KIR3DL3: variants seen among roughly 807,000 people sequenced by gnomAD.
The protein encoded by KIR3DL3 is killer cell immunoglobulin-like receptor 3DL3.
In KIR3DL3, 27 loss-of-function variants were observed where a neutral mutation model predicts 34.9. The observed-to-expected ratio is 0.77, with a 90% CI of 0.57 to 1.07. The LOEUF is 1.07. Among genes scored for constraint, KIR3DL3 ranks in the 50% least tolerant of loss-of-function variants. The probability of loss-of-function intolerance (pLI) is 0.00; values close to 1 mark genes in which losing one functional copy is unlikely to be tolerated. For missense variants in KIR3DL3, 681 were observed against 528.5 expected (o/e 1.29, Z -2.83); for synonymous variants, 217 against 200.2 (o/e 1.08, Z -0.71).
At chr19:54,729,128 T>C (rs1600187520) in intron 4 of KIR3DL3, among the ~76,000 whole-genome samples, 1 of 148,350 alleles carries the variant, frequency 6.7e-6, no homozygotes, top group Non-Finnish European at 1.5e-5. Flanking sequence ...CATACATAGA[T>C]AAATGATAGA....
rs771765510 is a variant in KIR3DL3, at chr19:54,735,364, C to T, written c.1054+7C>T. ...TGGTGTGCCAACAAAAAGAGTAAGT[C>T]TCACGAAGCAGAAGCCAGAGAGCTC... On this transcript the variant is annotated splice_region_variant and intron_variant, in intron 6 of 7. Coordinates refer to ENST00000291860, the MANE Select transcript of KIR3DL3 (RefSeq NM_153443.5). 2.3e-6 allele frequency: 3 copies of T among 1,291,268 alleles called. No homozygotes were observed. Among genetic ancestry groups the T allele is most frequent in the South Asian group, 2.4e-5 (2 of 83,504 alleles). The allele number at this position is 1,291,268 out of a possible 1,614,324, so 80.0% of individuals were successfully genotyped here.
At position 54,727,629 on chromosome 19, in the gene KIR3DL3, C is replaced by T; in HGVS notation, c.374C>T (p.Ser125Phe). 1 of 1,611,336 alleles carries T rather than the reference C, an allele frequency of 6.2e-7. No homozygotes were observed. The highest frequency in any genetic ancestry group is 8.5e-7 in the Non-Finnish European group (1 of 1,179,272). The part of the protein sequence containing the change: ...IMVTGVHRKP[S>F]LLAHPGPLVK... ...TTCTTAGGAGTCCACAGAAAACCTT[C>T]CCTCCTGGCCCACCCAGGTCCCCTG... The change falls in exon 4 of 8, where the codon TCC becomes TTC. Residue 125 changes from serine to phenylalanine, a missense_variant. Physicochemically the swap from Ser to Phe is radical, Grantham distance 155 (BLOSUM62 -2). Coordinates refer to ENST00000291860, the MANE Select transcript of KIR3DL3 (RefSeq NM_153443.5).
chr19:54,735,426 T>G, intron 6 of KIR3DL3, 69 bp downstream of exon 6: 2 of 765,432 alleles, frequency 2.6e-6, no homozygotes, highest in African/African-American at 1.9e-5. Context: ...AGCACTCAGG[T>G]GTGTGTTCCT....
Position 54,727,669 on chromosome 19 carries a change from G to A in KIR3DL3, c.414G>A (p.Glu138=). 6.2e-7 allele frequency: 1 copy of A among 1,612,170 alleles called. No individual in the cohort carries two copies. The highest frequency in any genetic ancestry group is 8.5e-7 in the Non-Finnish European group (1 of 1,179,518). The change falls in exon 4 of 8, where the codon GAG becomes GAA. Residue 138 remains glutamate (E), a synonymous_variant. Coordinates refer to ENST00000291860, the MANE Select transcript of KIR3DL3 (RefSeq NM_153443.5). ...AHPGPLVKSG[E]TVILQCWSDV... ...CAGGTCCCCTGGTGAAATCAGGAGA[G>A]ACGGTCATCCTGCAATGTTGGTCAG... is the stretch of plus-strand genomic sequence containing the variant.
chr19:54,726,378 C>G (rs1454945214), intron 3 of KIR3DL3, 41 bp downstream of exon 3: 8 of 1,593,088 alleles, frequency 5.0e-6, no homozygotes, highest in Non-Finnish European at 6.8e-6. Flanking sequence ...GTCCCACCTC[C>G]TGAATCCCAG....
intron 5 of KIR3DL3, among the ~76,000 whole-genome samples, chr19:54,730,240 T>C (rs2068656862): frequency 6.6e-6 from 1 of 151,190 alleles, no homozygotes; most frequent in Admixed American, 6.6e-5. Context: ...CATTTTTAAG[T>C]GTGAAGTCTA....
In KIR3DL3 at chr19:54,734,728, A is replaced by G. The variant is rs1279768972; in HGVS notation, c.950-525A>G. The stretch of plus-strand genomic sequence containing the variant: ...CAGTTCTGCAGGCTGTACTGGAAGC[A>G]TGGCACCAGCATCTATTTCTTGTGA... On this transcript the variant is annotated intron_variant, in intron 5 of 7. Transcript: ENST00000291860. Among the ~76,000 whole-genome samples, 9 of 147,418 alleles carry G rather than the reference A, an allele frequency of 6.1e-5. 1 individual carries two copies. The highest frequency in any genetic ancestry group is 2.2e-4 in the South Asian group (1 of 4,520).
chr19:54,724,511 C>T lies in KIR3DL3; in HGVS notation c.15C>T (p.Val5=), dbSNP rs974148272. 49 of 1,612,850 alleles carry T rather than the reference C, an allele frequency of 3.0e-5. No individual in the cohort carries two copies. Among genetic ancestry groups the T allele is most frequent in the African/African-American group, 1.5e-4 (11 of 74,816 alleles). Residue 5 remains valine, a synonymous_variant, in exon 1 of 8, where the codon GTC becomes GTT. Transcript: ENST00000291860. ...CCGGCAGCACCATGTCGCTCATGGTCGTCAGCATGGCGTGTGTTGGTGAGT... is the reference window on the plus strand; with the variant it reads ...CCGGCAGCACCATGTCGCTCATGGTTGTCAGCATGGCGTGTGTTGGTGAGT... MSLM[V]VSMACVGFFL... is the part of the protein sequence containing the mutation.
chr19:54,726,460 C>T, intron 3 of KIR3DL3, 123 bp downstream of exon 3: 1 of 1,249,282 alleles, frequency 8.0e-7, no homozygotes, highest in Non-Finnish European at 1.1e-6. Context: ...AAGGGGGATT[C>T]AGTACAGAGA....
chr19:54,735,437 C>T (rs603309), intron 6 of KIR3DL3, 80 bp downstream of exon 6: 165,779 of 627,434 alleles, frequency 0.26, 27,372 homozygotes, highest in South Asian at 0.4. Context: ...GTGTGTTCCT[C>T]ACAGACTGGA....
chr19:54,726,280 C>A lies in KIR3DL3; in HGVS notation c.298C>A (p.Pro100Thr), dbSNP rs1270176356. 4 of 1,613,874 alleles carry A rather than the reference C, an allele frequency of 2.5e-6. No homozygotes were observed. In the African/African-American group the frequency reaches 5.3e-5, roughly 22 times the overall value. Residue 100 changes from proline to threonine, a missense_variant, in exon 3 of 8, where the codon CCA becomes ACA. Physicochemically the swap from Pro to Thr is conservative, Grantham distance 38. Transcript: ENST00000291860. ...GACCTACAGATGTTGCAGTTCACACCCACACTCCCCCACTGGGTGGTCGGC... is the reference window on the plus strand; with the variant it reads ...GACCTACAGATGTTGCAGTTCACACACACACTCCCCCACTGGGTGGTCGGC... ...AGTYRCCSSH[P>T]HSPTGWSAPS...
In KIR3DL3 at chr19:54,727,682, C is replaced by T; in HGVS notation, c.427C>T (p.Gln143Ter). ...LVKSGETVILQCWSDVRFERF... is the reference protein window; with the variant it reads ...LVKSGETVIL ...GAAATCAGGAGAGACGGTCATCCTG[C>T]AATGTTGGTCAGATGTCAGGTTTGA... is the stretch of plus-strand genomic sequence containing the variant. Residue 143 changes from glutamine (Q) to a stop codon, truncating the protein, a stop_gained, in exon 4 of 8, where the codon CAA becomes TAA. Transcript: ENST00000291860. LOFTEE classifies it high-confidence loss of function. The T allele has an allele frequency of 6.2e-7, 1 of 1,612,462 alleles. No homozygotes were observed. The highest frequency in any genetic ancestry group is 1.1e-5 in the South Asian group (1 of 90,990).
Position 54,736,024 on chromosome 19 carries a change from C to A in KIR3DL3, c.1161C>A (p.Cys387Ter), listed in dbSNP as rs746405337. 1.3e-5 allele frequency: 21 copies of A among 1,590,186 alleles called. No homozygotes were observed. The South Asian group carries it at 2.2e-4, about 17-fold the overall frequency. The change falls in exon 8 of 8, where the codon TGC (cysteine) becomes TGA (stop). Residue 387 changes from cysteine (C) to a stop codon, truncating the protein, a stop_gained. Coordinates refer to ENST00000291860, the MANE Select transcript of KIR3DL3 (RefSeq NM_153443.5). LOFTEE classifies it low-confidence loss of function (END_TRUNC). ...QEVTYAQLNH[C>*]VFTQRKITRP... ...TGACATACGCACAGTTGAATCACTG[C>A]GTTTTCACACAGAGAAAAATCACTC...
At chr19:54,730,618 C>T (rs1600199086) in intron 5 of KIR3DL3, among the ~76,000 whole-genome samples, 2 of 151,712 alleles carry the variant, frequency 1.3e-5, no homozygotes, top group South Asian at 4.2e-4. Flanking sequence ...TTTTTACCCT[C>T]CACCCTTCCC....
chr19:54,734,074 A>T (rs1189574746), intron 5 of KIR3DL3, among the ~76,000 whole-genome samples: 1 of 152,114 alleles, frequency 6.6e-6, no homozygotes, highest in Non-Finnish European at 1.5e-5. Flanking sequence ...GGGCTACATC[A>T]TTATTTCATG....
At chr19:54,734,903 T>C (rs547466701) in intron 5 of KIR3DL3, among the ~76,000 whole-genome samples, 2 of 140,558 alleles carry the variant, frequency 1.4e-5, no homozygotes, top group East Asian at 2.0e-4. Flanking sequence ...CAGGAACTAA[T>C]AGAGGGGGAA....
intron 2 of KIR3DL3, 41 bp from the exon 3 acceptor site, chr19:54,726,012 C>T: frequency 1.4e-6 from 2 of 1,465,030 alleles, no homozygotes; most frequent in Non-Finnish European, 1.9e-6. Context: ...AGGGGCGGCT[C>T]CACATCCTCC....
In KIR3DL3 at chr19:54,729,744, G is replaced by C; in HGVS notation, c.907G>C (p.Ala303Pro). ...CGGCTCTTTCCGTGCCCTGCCCCAT[G>C]CGTGGTCAGACCCGAGTGACCCACT... ...CFGSFRALPH[A>P]WSDPSDPLPV... Residue 303 changes from alanine (A) to proline (P), a missense_variant, in exon 5 of 8, where the codon GCG becomes CCG. Transcript: ENST00000291860. 1 of 1,585,582 alleles carries C rather than the reference G, an allele frequency of 6.3e-7. No homozygotes were observed. The highest frequency in any genetic ancestry group is 8.6e-7 in the Non-Finnish European group (1 of 1,169,388).
chr19:54,725,042 G>A (rs913782742), intron 1 of KIR3DL3, among the ~76,000 whole-genome samples: 9 of 143,648 alleles, frequency 6.3e-5, no homozygotes, highest in African/African-American at 2.1e-4. Context: ...GTGTAGATAT[G>A]GGCCTGGAGT....
Sources: allele counts gnomAD v4.1 joint callset (sites outside exome capture counted in the v4.1 genomes callset), GRCh38; gene constraint gnomAD v4.1.1; transcripts MANE v1.5; gene names NCBI Gene and HGNC (gene_info 2026-07-23, HGNC 2026-07-21).